Variants in PCDHA8 observed in about 807,000 individuals in gnomAD.
PCDHA8 encodes protocadherin alpha 8.
PCDHA8 carries 53 observed loss-of-function variants against 61.8 expected under a neutral mutation model. The ratio of observed to expected loss-of-function variants is 0.86; its 90% CI spans 0.69 to 1.08. The LOEUF is 1.08. PCDHA8 is among the 50% of genes least tolerant of loss of function. The pLI is 0.00. For synonymous variants in PCDHA8, 618 were observed against 556.6 expected (o/e 1.11, Z -1.55); for missense variants, 1,293 against 1,245.0 (o/e 1.04, Z -0.58).
At chr5:140,964,262 A>C (rs1327933465) in intron 1 of PCDHA8, among the ~76,000 whole-genome samples, 1 of 152,206 alleles carries the variant, frequency 6.6e-6, no homozygotes, top group Non-Finnish European at 1.5e-5. Context: ...TTGACTCCTT[A>C]ATAATTAAGG....
At position 140,965,675 on chromosome 5, in the gene PCDHA8, A is replaced by G. The variant is rs1049081993; in HGVS notation, c.2395-13274A>G. ...AAATGTCTTGGGTGATAAATGTAAA[A>G]GATTTGAAGCAAGATTAGAAAAAGC... On this transcript the variant is annotated intron_variant, in intron 1 of 3. Transcript: ENST00000531613. Among the ~76,000 whole-genome samples, 4 of 152,350 alleles carry G rather than the reference A, an allele frequency of 2.6e-5. No homozygotes were observed. The East Asian group carries it at 7.7e-4, about 29-fold the overall frequency.
intron 1 of PCDHA8, among the ~76,000 whole-genome samples, chr5:140,902,686 A>G (rs1038713623): frequency 2.0e-5 from 3 of 152,090 alleles, no homozygotes; most frequent in Non-Finnish European, 4.4e-5. Context: ...CGTACCTAAT[A>G]TGTGTAGTCT....
At chr5:140,878,735 C>T (rs2057715661) in intron 1 of PCDHA8, among the ~76,000 whole-genome samples, 1 of 152,198 alleles carries the variant, frequency 6.6e-6, no homozygotes, top group Non-Finnish European at 1.5e-5. Context: ...AGCCTTATAT[C>T]TACTTTCTTA....
At chr5:140,882,385 A>G in intron 1 of PCDHA8, 1 of 1,614,234 alleles carries the variant, frequency 6.2e-7, no homozygotes, top group Non-Finnish European at 8.5e-7. Flanking sequence ...CCGAGGAAGC[A>G]AAACACGGCA....
rs370156477 is a variant in PCDHA8 at position 140,876,942 on chromosome 5, G to A, written c.2394+33227G>A. The A allele has an allele frequency of 2.2e-5, 35 of 1,613,660 alleles. 1 individual carries two copies. In the African/African-American group the frequency reaches 4.4e-4, roughly 20 times the overall value. On this transcript the variant is annotated intron_variant, in intron 1 of 3. Transcript: ENST00000531613. ...CGGACGCGCAGAAGAACGCGCTGGT[G>A]TCCTACTCGCTGGTGGAGCGGCGGG...
chr5:140,851,180 A>C lies in PCDHA8; in HGVS notation c.2394+7465A>C, dbSNP rs554158546. 42 of 1,251,052 alleles carry C rather than the reference A, an allele frequency of 3.4e-5. 2 individuals are homozygous for C. In the African/African-American group the frequency reaches 5.9e-4, roughly 18 times the overall value. 77.5% of individuals were successfully genotyped at this position (1,251,052 alleles called of 1,614,324 possible). On this transcript the variant is annotated intron_variant, in intron 1 of 3. Coordinates refer to ENST00000531613, the MANE Select transcript of PCDHA8 (RefSeq NM_018911.3). Reference sequence around the variant, plus strand: ...ATGCTATGCTGCCATAACACTTGAAAACCAATTTAGTTGTTAGTCATTCAT... The same window carrying C: ...ATGCTATGCTGCCATAACACTTGAACACCAATTTAGTTGTTAGTCATTCAT...
chr5:140,869,562 A>T (rs373044645), intron 1 of PCDHA8: 50 of 1,614,050 alleles, frequency 3.1e-5, no homozygotes, highest in Non-Finnish European at 3.5e-5. Context: ...CGCGTTTTCC[A>T]CTAGAGGGAG....
intron 3 of PCDHA8, among the ~76,000 whole-genome samples, chr5:140,996,580 C>T (rs1351485354): frequency 6.6e-6 from 1 of 152,130 alleles, no homozygotes; most frequent in African/African-American, 2.4e-5. Context: ...AATTTGTTAA[C>T]AAGGGCCGCC....
intron 1 of PCDHA8, chr5:140,863,533 G>A: frequency 2.6e-6 from 1 of 389,860 alleles, no homozygotes; most frequent in Non-Finnish European, 5.0e-6. Flanking sequence ...TTCAGATTTT[G>A]GAGATGGACT....
At chr5:140,852,880 A>C in intron 1 of PCDHA8, 1 of 943,656 alleles carries the variant, frequency 1.1e-6, no homozygotes, top group Non-Finnish European at 1.3e-6. Context: ...ATAATCATAA[A>C]ACGTATTTTT....
At chr5:140,857,819 G>A in intron 1 of PCDHA8, 1 of 1,597,752 alleles carries the variant, frequency 6.3e-7, no homozygotes, top group Non-Finnish European at 8.6e-7. Context: ...TCACGTGGTG[G>A]CTAAGGTGCG....
intron 1 of PCDHA8, among the ~76,000 whole-genome samples, chr5:140,923,640 T>G (rs2081459480): frequency 6.6e-6 from 1 of 152,234 alleles, no homozygotes; most frequent in African/African-American, 2.4e-5. Flanking sequence ...GCAAAAATCT[T>G]TAGCCTCCCT....
rs782619715 is a variant in PCDHA8, at chr5:140,883,236, T to C, written c.2394+39521T>C. 1.2e-5 allele frequency: 20 copies of C among 1,613,888 alleles called. No individual in the cohort carries two copies. Among genetic ancestry groups the C allele is most frequent in the Non-Finnish European group, 1.7e-5 (20 of 1,180,006 alleles). On this transcript the variant is annotated intron_variant, in intron 1 of 3. Coordinates refer to ENST00000531613, the MANE Select transcript of PCDHA8 (RefSeq NM_018911.3). ...TTATATGAAATATCCGTGGAGGCAGTTGACAAAGGAAATATTCCAATGGCG... is the reference window on the plus strand; with the variant it reads ...TTATATGAAATATCCGTGGAGGCAGCTGACAAAGGAAATATTCCAATGGCG...
intron 1 of PCDHA8, chr5:140,869,245 A>G: frequency 1.2e-6 from 2 of 1,613,628 alleles, no homozygotes; most frequent in Non-Finnish European, 1.7e-6. Context: ...CGTGGGCCGC[A>G]TCGCGCAGGA....
At chr5:140,962,759 G>A (rs1554226222) in intron 1 of PCDHA8, among the ~76,000 whole-genome samples, 1 of 152,114 alleles carries the variant, frequency 6.6e-6, no homozygotes, top group Admixed American at 6.5e-5. Flanking sequence ...AATCCTATTC[G>A]TTTTTAACAA....
chr5:140,952,442 A>G (rs1431756877), intron 1 of PCDHA8, among the ~76,000 whole-genome samples: 1 of 152,178 alleles, frequency 6.6e-6, no homozygotes, highest in African/African-American at 2.4e-5. Context: ...CAGGCATAAT[A>G]CAGCCAGGCT....
chr5:140,968,081 G>A, intron 1 of PCDHA8: 2 of 1,614,120 alleles, frequency 1.2e-6, no homozygotes, highest in Non-Finnish European at 1.7e-6. Context: ...CAACATCACG[G>A]TGACAGCCAC....
intron 3 of PCDHA8, among the ~76,000 whole-genome samples, chr5:140,986,669 G>C (rs1448376850): frequency 6.6e-6 from 1 of 152,138 alleles, no homozygotes; most frequent in African/African-American, 2.4e-5. Flanking sequence ...ACAGTTTTCA[G>C]AAGAGTTCAG....
Position 140,875,940 on chromosome 5 carries a change from C to T in PCDHA8, c.2394+32225C>T, listed in dbSNP as rs782320801. ...TGGACTCTCATTTTCCTCTAGAGGG[C>T]GCTTCTGATGCGGATATCGGCGTAA... On this transcript the variant is annotated intron_variant, in intron 1 of 3. Transcript: ENST00000531613. 5.0e-6 allele frequency: 8 copies of T among 1,613,964 alleles called. No individual in the cohort carries two copies. In the South Asian group the frequency reaches 6.6e-5, roughly 13 times the overall value.
Sources: allele counts gnomAD v4.1 joint callset (sites outside exome capture counted in the v4.1 genomes callset), GRCh38; gene constraint gnomAD v4.1.1; transcripts MANE v1.5; gene names NCBI Gene and HGNC (gene_info 2026-07-23, HGNC 2026-07-21).